Variants in FHIT observed in about 807,000 individuals in gnomAD.
FHIT encodes the protein fragile histidine triad diadenosine triphosphatase.
FHIT carries 19 observed loss-of-function variants against 17.9 expected under a neutral mutation model. The ratio of observed to expected loss-of-function variants is 1.06; its 90% CI spans 0.74 to 1.56. The LOEUF is 1.56. Ranked by LOEUF, FHIT falls within the 40% of genes most tolerant of loss-of-function variation. The pLI is 0.00. For synonymous variants in FHIT, 81 were observed against 69.7 expected (o/e 1.16, Z -0.81); for missense variants, 248 against 189.2 (o/e 1.31, Z -1.82).
rs561180322 is a variant in FHIT at position 60,250,698 on chromosome 3, T to A, written c.104-236546A>T. Among the ~76,000 whole-genome samples, 7 of 152,276 alleles carry A rather than the reference T, an allele frequency of 4.6e-5. 1 individual carries two copies. The highest frequency in any genetic ancestry group is 1.7e-4 in the African/African-American group (7 of 41,554). On this transcript the variant is annotated intron_variant, in intron 5 of 9. Coordinates refer to ENST00000492590, the MANE Select transcript of FHIT (RefSeq NM_002012.4). Reference sequence around the variant, plus strand: ...TAATTAAGTAATCTTCTTCTTTTCATTTTTATGACAATTTTCTTCTTCAGG... The same window carrying A: ...TAATTAAGTAATCTTCTTCTTTTCAATTTTATGACAATTTTCTTCTTCAGG...
At chr3:61,067,322 A>G (rs1019131653) in intron 2 of FHIT, among the ~76,000 whole-genome samples, 1 of 152,212 alleles carries the variant, frequency 6.6e-6, no homozygotes, top group Non-Finnish European at 1.5e-5. Context: ...TTTGTTACAG[A>G]GAAAGGACAC....
At chr3:59,928,991 T>C (rs1705813408) in intron 7 of FHIT, among the ~76,000 whole-genome samples, 1 of 65,210 alleles carries the variant, frequency 1.5e-5, no homozygotes, top group African/African-American at 7.0e-5. Context: ...TGAGACTTCA[T>C]CTCAAAAAAA....
At chr3:60,391,167 G>A (rs953325308) in intron 5 of FHIT, among the ~76,000 whole-genome samples, 23 of 150,486 alleles carry the variant, frequency 1.5e-4, no homozygotes, top group African/African-American at 3.9e-4. Context: ...CAGCCTGGGC[G>A]ACAGAGTGAG....
chr3:60,084,371 C>G (rs759956589), intron 5 of FHIT, among the ~76,000 whole-genome samples: 1 of 152,244 alleles, frequency 6.6e-6, no homozygotes, highest in African/African-American at 2.4e-5. Context: ...CTAAGCTTTA[C>G]AGAGGTGCTA....
rs1401893607 is a variant in FHIT, at chr3:60,401,378, C to T, written c.103+135482G>A. Among the ~76,000 whole-genome samples, 3 of 152,292 alleles carry T rather than the reference C, an allele frequency of 2.0e-5. No individual in the cohort carries two copies. The East Asian group carries it at 5.8e-4, about 29-fold the overall frequency. On this transcript the variant is annotated intron_variant, in intron 5 of 9. Coordinates refer to ENST00000492590, the MANE Select transcript of FHIT (RefSeq NM_002012.4). Reference sequence around the variant, plus strand: ...AGTTATTTCCTGTGTACCTGCCAGACTCACTGATCCTCTGACTTACTGTTA... The same window carrying T: ...AGTTATTTCCTGTGTACCTGCCAGATTCACTGATCCTCTGACTTACTGTTA...
intron 5 of FHIT, among the ~76,000 whole-genome samples, chr3:60,035,147 G>A (rs997640112): frequency 1.3e-5 from 2 of 152,174 alleles, no homozygotes; most frequent in Admixed American, 6.5e-5. Flanking sequence ...TGAGCTTAGC[G>A]ATGAGTATAC....
intron 8 of FHIT, among the ~76,000 whole-genome samples, chr3:59,757,286 C>A (rs1002562974): frequency 1.6e-4 from 24 of 152,308 alleles, no homozygotes; most frequent in African/African-American, 5.3e-4. Context: ...CCTCTCCAAG[C>A]AAATTCTATT....
chr3:60,830,207 A>T (rs1702283223), intron 3 of FHIT, among the ~76,000 whole-genome samples: 1 of 151,950 alleles, frequency 6.6e-6, no homozygotes. Context: ...CATATTTTTA[A>T]CTTCTGTTTG....
intron 3 of FHIT, among the ~76,000 whole-genome samples, chr3:61,037,623 G>C (rs2033319847): frequency 6.6e-6 from 1 of 152,184 alleles, no homozygotes; most frequent in Non-Finnish European, 1.5e-5. Context: ...GGTCACGAGG[G>C]CTCTGGCCTC....
At chr3:60,227,475 T>C (rs1418835695) in intron 5 of FHIT, among the ~76,000 whole-genome samples, 1 of 152,180 alleles carries the variant, frequency 6.6e-6, no homozygotes, top group African/African-American at 2.4e-5. Context: ...ATGTTTTCAT[T>C]ATTTACATTT....
intron 4 of FHIT, among the ~76,000 whole-genome samples, chr3:60,726,405 G>C (rs2041917104): frequency 6.6e-6 from 1 of 152,010 alleles, no homozygotes; most frequent in African/African-American, 2.4e-5. Flanking sequence ...ACTACCCTTC[G>C]TGTGTTTGTC....
intron 4 of FHIT, among the ~76,000 whole-genome samples, chr3:60,576,432 A>G (rs1163734650): frequency 6.6e-6 from 1 of 152,104 alleles, no homozygotes; most frequent in African/African-American, 2.4e-5. Flanking sequence ...AAAGAAATGC[A>G]ACCTGAAAAT....
chr3:61,135,622 C>T (rs538167340), intron 2 of FHIT, among the ~76,000 whole-genome samples: 48 of 152,168 alleles, frequency 3.2e-4, no homozygotes, highest in Non-Finnish European at 5.3e-4. Context: ...CACATACACA[C>T]AGTAAAATCA....
At chr3:59,766,746 T>G (rs1181571356) in intron 8 of FHIT, among the ~76,000 whole-genome samples, 1 of 152,238 alleles carries the variant, frequency 6.6e-6, no homozygotes, top group Non-Finnish European at 1.5e-5. Context: ...TCTCCATTTC[T>G]TCTGCCTATC....
intron 2 of FHIT, among the ~76,000 whole-genome samples, chr3:61,103,408 G>T (rs1238413728): frequency 1.3e-5 from 2 of 152,186 alleles, no homozygotes; most frequent in Non-Finnish European, 2.9e-5. Context: ...ATTGCACTGT[G>T]GTCTGAGAGA....
chr3:60,777,189 T>A (rs1215922580), intron 4 of FHIT, among the ~76,000 whole-genome samples: 3 of 152,164 alleles, frequency 2.0e-5, no homozygotes, highest in Non-Finnish European at 4.4e-5. Flanking sequence ...GAGCCACATA[T>A]GAGTGACCAT....
At chr3:60,415,314 T>C (rs1408697276) in intron 5 of FHIT, among the ~76,000 whole-genome samples, 2 of 152,120 alleles carry the variant, frequency 1.3e-5, no homozygotes, top group African/African-American at 4.8e-5. Context: ...GCAAAGCAAC[T>C]TGTCTGTAGT....
In FHIT at chr3:60,340,516, G is replaced by A. The variant is rs533545531; in HGVS notation, c.103+196344C>T. On this transcript the variant is annotated intron_variant, in intron 5 of 9. Transcript: ENST00000492590. The stretch of plus-strand genomic sequence containing the variant: ...TCTGAACAGATACAAATCAAGGGAG[G>A]ACTTGAACTTCAGACAAGTAACTAT... Among the ~76,000 whole-genome samples, 3 of 152,212 alleles carry A rather than the reference G, an allele frequency of 2.0e-5. No homozygotes were observed. In the South Asian group the frequency reaches 6.2e-4, roughly 32 times the overall value.
chr3:60,535,990 G>A (rs1338813009), intron 5 of FHIT: 1 of 152,138 alleles, frequency 6.6e-6, no homozygotes, highest in South Asian at 2.1e-4. Context: ...TCATGTCTCA[G>A]CGTGGAAAAT....
Sources: allele counts gnomAD v4.1 joint callset (sites outside exome capture counted in the v4.1 genomes callset), GRCh38; gene constraint gnomAD v4.1.1; transcripts MANE v1.5; gene names NCBI Gene and HGNC (gene_info 2026-07-23, HGNC 2026-07-21).